FBXO21: variants seen among roughly 807,000 people sequenced by gnomAD.
FBXO21 encodes the protein F-box protein 21.
A neutral mutation model predicts 76.6 loss-of-function variants in FBXO21; 32 were observed. That is an observed-to-expected ratio of 0.42 (90% CI 0.32 to 0.56). The LOEUF (loss-of-function observed/expected upper bound fraction) is 0.56, where lower values mean the gene tolerates loss of function less well. FBXO21 is among the 20% of genes least tolerant of loss of function. FBXO21 has a pLI of 0.16. For missense variants in FBXO21, 586 were observed against 797.3 expected (o/e 0.73, Z 3.19); for synonymous variants, 328 against 311.5 (o/e 1.05, Z -0.56).
At chr12:117,165,449 T>G in intron 9 of FBXO21, 36 bp downstream of exon 9, 1 of 1,597,944 alleles carries the variant, frequency 6.3e-7, no homozygotes, top group Non-Finnish European at 8.5e-7. Context: ...CTTCCCTTTC[T>G]AAGGCAAGTG....
intron 11 of FBXO21, among the ~76,000 whole-genome samples, chr12:117,149,338 G>C (rs568938709): frequency 1.3e-5 from 2 of 152,286 alleles, no homozygotes; most frequent in African/African-American, 4.8e-5. Flanking sequence ...AGAAATAGTA[G>C]AGGGTAAAGA....
Position 117,172,521 on chromosome 12 carries a change from A to G in FBXO21, c.963T>C (p.Pro321=), listed in dbSNP as rs139520631. The G allele has an allele frequency of 1.9e-6, 3 of 1,614,118 alleles. No homozygotes were observed. The highest frequency in any genetic ancestry group is 2.2e-5 in the East Asian group (1 of 44,890). ...IARQLGVPLE[P]VNFPSHFLLR... is the part of the protein sequence containing the mutation. Reference sequence around the variant, plus strand: ...ATAAGAAGTGACTTGGGAAGTTGACAGGCTCCAGTGGGACTCCCAACTGCC... The same window carrying G: ...ATAAGAAGTGACTTGGGAAGTTGACGGGCTCCAGTGGGACTCCCAACTGCC... Residue 321 remains proline (P), a synonymous_variant, in exon 7 of 12, where the codon CCT becomes CCC. Coordinates refer to ENST00000622495, the MANE Select transcript of FBXO21 (RefSeq NM_015002.3).
intron 4 of FBXO21, among the ~76,000 whole-genome samples, chr12:117,175,580 G>A (rs1298767091): frequency 6.6e-6 from 1 of 152,232 alleles, no homozygotes; most frequent in African/African-American, 2.4e-5. Flanking sequence ...TTGAACGGGT[G>A]TCAAGACACC....
At chr12:117,149,170 T>C (rs1276265360) in intron 11 of FBXO21, among the ~76,000 whole-genome samples, 1 of 152,116 alleles carries the variant, frequency 6.6e-6, no homozygotes, top group Non-Finnish European at 1.5e-5. Flanking sequence ...TTGGATTTTC[T>C]TTTCTTTTTT....
At chr12:117,186,660 C>T (rs1449378895) in intron 2 of FBXO21, 89 bp from the exon 3 acceptor site, 6 of 792,878 alleles carry the variant, frequency 7.6e-6, no homozygotes, top group Non-Finnish European at 1.3e-5. Flanking sequence ...TAAAGATGTC[C>T]ACTACTAAAG....
rs1244993327 is a variant in FBXO21 at position 117,174,582 on chromosome 12, T to C, written c.739+69A>G. On this transcript the variant is annotated intron_variant, in intron 5 of 11. Coordinates refer to ENST00000622495, the MANE Select transcript of FBXO21 (RefSeq NM_015002.3). ...GACATAATGGCAGCACACTAACAAA[T>C]CTCTCAAATTAACCAATTCCTCTAG... 6 of 1,542,062 alleles carry C rather than the reference T, an allele frequency of 3.9e-6. No individual in the cohort carries two copies. In the East Asian group the frequency reaches 1.1e-4, roughly 29 times the overall value.
rs188644468 is a variant in FBXO21 at position 117,182,602 on chromosome 12, G to T, written c.470+3875C>A. Among the ~76,000 whole-genome samples, 1,084 of 122,762 alleles carry T rather than the reference G, an allele frequency of 8.8e-3. 3 individuals carry two copies. The highest frequency in any genetic ancestry group is 0.023 in the Middle Eastern group (3 of 128). 80.5% of individuals were successfully genotyped at this position (122,762 alleles called of 152,430 possible). ...TTTTTTTTTTTGGACCGAGTCTGTC[G>T]CCCAGGCTGGAGTGCAGTGGTGCAA... On this transcript the variant is annotated intron_variant, in intron 3 of 11. Transcript: ENST00000622495.
At chr12:117,184,719 C>T (rs1318340292) in intron 3 of FBXO21, among the ~76,000 whole-genome samples, 2 of 152,156 alleles carry the variant, frequency 1.3e-5, no homozygotes, top group Non-Finnish European at 2.9e-5. Flanking sequence ...GCACTCCAGC[C>T]TGGGCTACAA....
chr12:117,162,107 T>C (rs527422817), intron 9 of FBXO21, among the ~76,000 whole-genome samples: 1 of 152,180 alleles, frequency 6.6e-6, no homozygotes, highest in Admixed American at 6.5e-5. Flanking sequence ...CCCAGGGAAA[T>C]TCCTGCAGGG....
At chr12:117,147,290 G>GAAAAAAAAAAAAAA (rs144755940) in intron 11 of FBXO21, among the ~76,000 whole-genome samples, 1 of 85,076 alleles carries the variant, frequency 1.2e-5, no homozygotes, top group African/African-American at 4.8e-5. Flanking sequence ...TGAAAAAATG[G>GAAAAAAAAAAAAAA]AAAAAAAAAA....
chr12:117,177,832 AG>A (rs1334357976), intron 3 of FBXO21, among the ~76,000 whole-genome samples, 191 bp from the exon 4 acceptor site: 1 of 152,224 alleles, frequency 6.6e-6, no homozygotes, highest in African/African-American at 2.4e-5. Context: ...CTGAAATCTG[AG>A]GAACAGTTAT....
chr12:117,166,801 G>T, intron 8 of FBXO21, 97 bp downstream of exon 8: 1 of 1,006,780 alleles, frequency 9.9e-7, no homozygotes, highest in Non-Finnish European at 1.5e-6. Context: ...CTACTGCAAA[G>T]ATCTCAACGA....
Position 117,144,716 on chromosome 12 carries a change from T to C in FBXO21, c.*1371A>G, listed in dbSNP as rs1955749029. On this transcript the variant is annotated 3_prime_UTR_variant, in exon 12 of 12. Transcript: ENST00000622495. ...TAGCTTCTATCGATTAATGACAAGA[T>C]TAGCTCGCTTGAGAACTGGCAGGCC... The C allele has an allele frequency of 6.6e-6, 1 of 152,164 alleles. No homozygotes were observed. Among genetic ancestry groups the C allele is most frequent in the Admixed American group, 6.5e-5 (1 of 15,282 alleles). 9.4% of individuals were successfully genotyped at this position (152,164 alleles called of 1,614,324 possible).
intron 3 of FBXO21, among the ~76,000 whole-genome samples, chr12:117,181,137 T>A (rs1956225693): frequency 6.6e-6 from 1 of 152,208 alleles, no homozygotes; most frequent in African/African-American, 2.4e-5. Flanking sequence ...TGTTTTGTTT[T>A]TTTTGGGGCG....
chr12:117,173,092 T>C (rs1385541703), intron 6 of FBXO21, among the ~76,000 whole-genome samples: 1 of 151,862 alleles, frequency 6.6e-6, no homozygotes, highest in East Asian at 1.9e-4. Context: ...TGGAGTGCGA[T>C]GGCGCAATCT....
chr12:117,160,975 T>C (rs1451255547), intron 9 of FBXO21, among the ~76,000 whole-genome samples: 4 of 152,058 alleles, frequency 2.6e-5, no homozygotes, highest in Non-Finnish European at 2.9e-5. Context: ...TTTGAGCTCC[T>C]ATCATGGGCC....
intron 9 of FBXO21, among the ~76,000 whole-genome samples, chr12:117,159,649 CCTTTA>C (rs1445495561): frequency 2.0e-5 from 3 of 152,126 alleles, no homozygotes; most frequent in Non-Finnish European, 4.4e-5. Context: ...GCAGATTTAC[CCTTTA>C]CTTTAATAGG....
At chr12:117,148,288 G>A (rs994786018) in intron 11 of FBXO21, among the ~76,000 whole-genome samples, 4 of 152,256 alleles carry the variant, frequency 2.6e-5, no homozygotes, top group African/African-American at 9.6e-5. Context: ...GGAAGTCACA[G>A]ACACGTCATG....
chr12:117,176,149 C>T (rs965109466), intron 4 of FBXO21, among the ~76,000 whole-genome samples: 2 of 152,110 alleles, frequency 1.3e-5, no homozygotes, highest in Admixed American at 6.5e-5. Context: ...GACCACAACA[C>T]GGGAAGCTTA....
Sources: allele counts gnomAD v4.1 joint callset (sites outside exome capture counted in the v4.1 genomes callset), GRCh38; gene constraint gnomAD v4.1.1; transcripts MANE v1.5; gene names NCBI Gene and HGNC (gene_info 2026-07-23, HGNC 2026-07-21).